Variants in ROR1 observed in about 807,000 individuals in gnomAD.
The protein encoded by ROR1 is inactive tyrosine-protein kinase transmembrane receptor ROR1.
ROR1 carries 19 observed loss-of-function variants against 78.8 expected under a neutral mutation model. The observed-to-expected ratio is 0.24, with a 90% CI of 0.17 to 0.35. ROR1 has a LOEUF of 0.35. Ranked by LOEUF, ROR1 falls within the 10% of genes least tolerant of loss-of-function variation. ROR1 has a pLI of 1.00. For synonymous variants in ROR1, 386 were observed against 433.6 expected (o/e 0.89, Z 1.36); for missense variants, 917 against 1,177.8 (o/e 0.78, Z 3.24).
intron 1 of ROR1, among the ~76,000 whole-genome samples, chr1:63,844,520 G>GA (rs1219139150): frequency 1.3e-5 from 2 of 152,034 alleles, no homozygotes; most frequent in East Asian, 1.9e-4. Flanking sequence ...AGCATGTGTT[G>GA]AAAAAAATGG....
chr1:63,896,140 A>G lies in ROR1; in HGVS notation c.92-113165A>G, dbSNP rs189733103. 5.9e-5 allele frequency among the ~76,000 whole-genome samples: 9 copies of G among 152,264 alleles called. No homozygotes were observed. The East Asian group carries it at 1.7e-3, about 29-fold the overall frequency. On this transcript the variant is annotated intron_variant, in intron 1 of 8. Transcript: ENST00000371079. ...AAAAAAGCCACTCCCATCATTACAT[A>G]TTAGATTTCATATCATATCATATTT...
intron 1 of ROR1, among the ~76,000 whole-genome samples, chr1:64,001,943 A>G (rs539204887): frequency 5.3e-5 from 8 of 151,910 alleles, no homozygotes; most frequent in African/African-American, 1.9e-4. Flanking sequence ...TCCTTGTGAC[A>G]TTTTATTCAG....
rs183646798 is a variant in ROR1, at chr1:63,862,895, A to G, written c.91+88387A>G. Among the ~76,000 whole-genome samples the G allele has an allele frequency of 3.8e-3, 583 of 152,354 alleles. 2 individuals carry two copies. Among genetic ancestry groups the G allele is most frequent in the African/African-American group, 0.014 (564 of 41,578 alleles). ...TTAAAAATTAATATTGGAGTATAGT[A>G]TAAGCATAGTGACATACAATGAATT... On this transcript the variant is annotated intron_variant, in intron 1 of 8. Transcript: ENST00000371079.
Position 64,017,248 on chromosome 1 carries a change from C to T in ROR1, c.163+7872C>T, listed in dbSNP as rs761178883. Among the ~76,000 whole-genome samples the T allele has an allele frequency of 9.2e-5, 14 of 152,140 alleles. No homozygotes were observed. In the South Asian group the frequency reaches 1.9e-3, roughly 20 times the overall value. On this transcript the variant is annotated intron_variant, in intron 2 of 8. Transcript: ENST00000371079. ...AGGAGAGCAGGGATTTGGATATATG[C>T]GGGGAGCTTCTTGCCTGCTGTATAT...
chr1:63,924,237 C>T (rs1645680687), intron 1 of ROR1, among the ~76,000 whole-genome samples: 1 of 152,098 alleles, frequency 6.6e-6, no homozygotes, highest in Non-Finnish European at 1.5e-5. Flanking sequence ...TTGAAGTTTT[C>T]TCATGTATTT....
At chr1:63,816,630 A>G (rs1295971379) in intron 1 of ROR1, among the ~76,000 whole-genome samples, 1 of 152,110 alleles carries the variant, frequency 6.6e-6, no homozygotes, top group Non-Finnish European at 1.5e-5. Context: ...TTTCACCAGC[A>G]TGGGTTTCTT....
intron 1 of ROR1, among the ~76,000 whole-genome samples, chr1:63,940,271 C>G (rs1441657373): frequency 6.6e-6 from 1 of 152,050 alleles, no homozygotes; most frequent in Non-Finnish European, 1.5e-5. Flanking sequence ...AAGCCTGGAG[C>G]ACTTTGTTGT....
At chr1:63,843,081 C>A (rs1407896200) in intron 1 of ROR1, 2 of 530,344 alleles carry the variant, frequency 3.8e-6, no homozygotes, top group South Asian at 2.1e-5. Context: ...TTGCCCTCCC[C>A]CTGCTGGGAT....
At position 63,863,804 on chromosome 1, in the gene ROR1, T is replaced by TTGTATTGTATTGTATTGTATTGTAA. The variant is rs1273822103; in HGVS notation, c.91+89296_91+89297insTGTATTGTATTGTATTGTATTGTAA. Among the ~76,000 whole-genome samples the TTGTATTGTATTGTATTGTATTGTAA allele has an allele frequency of 7.4e-4, 89 of 120,998 alleles. 6 individuals carry two copies. Among genetic ancestry groups the TTGTATTGTATTGTATTGTATTGTAA allele is most frequent in the African/African-American group, 2.8e-3 (71 of 24,982 alleles). 79.4% of individuals were successfully genotyped at this position (120,998 alleles called of 152,430 possible). ...TTGTATTGTATTGTATTGTATTGTA[T>TTGTATTGTATTGTATTGTATTGTAA]CATAGATGGCGATACTTGTTCAGTT... is the stretch of plus-strand genomic sequence containing the variant. On this transcript the variant is annotated intron_variant, in intron 1 of 8. Coordinates refer to ENST00000371079, the MANE Select transcript of ROR1 (RefSeq NM_005012.4).
chr1:64,099,751 A>G (rs1382670508), intron 4 of ROR1, among the ~76,000 whole-genome samples: 1 of 152,134 alleles, frequency 6.6e-6, no homozygotes, highest in Non-Finnish European at 1.5e-5. Flanking sequence ...TTGTGGGTTT[A>G]TTGTTGAAAA....
At chr1:63,783,200 A>G (rs1205066827) in intron 1 of ROR1, among the ~76,000 whole-genome samples, 2 of 152,148 alleles carry the variant, frequency 1.3e-5, no homozygotes, top group Admixed American at 6.5e-5. Flanking sequence ...TTTTTAGCAT[A>G]TGAAGGGTGG....
chr1:63,855,793 C>T (rs1360025473), intron 1 of ROR1, among the ~76,000 whole-genome samples: 5 of 149,486 alleles, frequency 3.3e-5, no homozygotes, highest in South Asian at 2.1e-4. Context: ...GGACTATAGG[C>T]GCATGCCACC....
chr1:63,967,985 A>G (rs757470892), intron 1 of ROR1, among the ~76,000 whole-genome samples: 31 of 152,144 alleles, frequency 2.0e-4, no homozygotes, highest in Non-Finnish European at 3.8e-4. Context: ...TAGATACACA[A>G]ATTCCTTCTT....
intron 1 of ROR1, among the ~76,000 whole-genome samples, chr1:63,823,036 A>G (rs1056883109): frequency 1.3e-5 from 2 of 152,056 alleles, no homozygotes; most frequent in African/African-American, 4.8e-5. Context: ...TAAAAAAAAA[A>G]CAACTTTCTG....
In ROR1 at chr1:63,910,374, C is replaced by G. The variant is rs572264516; in HGVS notation, c.92-98931C>G. On this transcript the variant is annotated intron_variant, in intron 1 of 8. Transcript: ENST00000371079. ...AGGCAGAGCTCATGGGTTGCATTCA[C>G]AGAAAGGGCTCATTGGCTGGTTTAA... Among the ~76,000 whole-genome samples the G allele has an allele frequency of 8.5e-5, 13 of 152,224 alleles. No individual in the cohort carries two copies. In the South Asian group the frequency reaches 1.0e-3, roughly 12 times the overall value.
At chr1:63,953,270 C>T (rs1290033422) in intron 1 of ROR1, among the ~76,000 whole-genome samples, 2 of 152,136 alleles carry the variant, frequency 1.3e-5, no homozygotes, top group Non-Finnish European at 2.9e-5. Flanking sequence ...GTTTCCTTGT[C>T]TATAGAATAA....
chr1:63,797,281 A>G lies in ROR1; in HGVS notation c.91+22773A>G, dbSNP rs1255690346. Among the ~76,000 whole-genome samples the G allele has an allele frequency of 1.3e-5, 2 of 152,228 alleles. 1 individual carries two copies. Among genetic ancestry groups the G allele is most frequent in the South Asian group, 4.1e-4 (2 of 4,830 alleles). On this transcript the variant is annotated intron_variant, in intron 1 of 8. Transcript: ENST00000371079. The stretch of plus-strand genomic sequence containing the variant: ...CAGAGTGGTGAAGTGACTTGCTCCC[A>G]GTCATCCTATGAGTAATTGGTGGAT...
At chr1:64,039,984 G>T (rs1646733435) in intron 2 of ROR1, among the ~76,000 whole-genome samples, 1 of 152,074 alleles carries the variant, frequency 6.6e-6, no homozygotes, top group African/African-American at 2.4e-5. Flanking sequence ...TTTAAGTTAG[G>T]CCCTTACTAA....
intron 1 of ROR1, among the ~76,000 whole-genome samples, chr1:63,970,276 A>C (rs1257455449): frequency 6.6e-6 from 1 of 152,192 alleles, no homozygotes; most frequent in Non-Finnish European, 1.5e-5. Flanking sequence ...TGCTATCACC[A>C]GAAGACCATG....
Sources: gnomAD v4.1 joint callset for allele counts (sites outside exome capture counted in the v4.1 genomes callset) on GRCh38, gnomAD v4.1.1 for gene constraint, MANE v1.5 for transcripts, NCBI Gene and HGNC (gene_info 2026-07-23, HGNC 2026-07-21) for gene names.